COX7B2: variants seen among roughly 807,000 people sequenced by gnomAD.
COX7B2 encodes cytochrome c oxidase subunit 7B2, also known as cytochrome c oxidase subunit 7B2, mitochondrial.
For missense variants in COX7B2, 109 were observed against 95.9 expected (o/e 1.14, Z -0.57); for synonymous variants, 37 against 32.1 (o/e 1.15, Z -0.51).
At chr4:46,812,358 C>A (rs1303187349) in intron 2 of COX7B2, among the ~76,000 whole-genome samples, 1 of 107,612 alleles carries the variant, frequency 9.3e-6, no homozygotes, top group Non-Finnish European at 1.9e-5. Flanking sequence ...CAGCATGGAT[C>A]TGAATAAAAA....
At chr4:46,808,573 T>C (rs1719124124) in intron 2 of COX7B2, among the ~76,000 whole-genome samples, 1 of 151,908 alleles carries the variant, frequency 6.6e-6, no homozygotes, top group South Asian at 2.1e-4. Context: ...TTCAGTACTA[T>C]ATTTAATAGA....
At chr4:46,838,747 C>G (rs563569319) in intron 2 of COX7B2, among the ~76,000 whole-genome samples, 12 of 152,182 alleles carry the variant, frequency 7.9e-5, no homozygotes, top group Non-Finnish European at 1.3e-4. Flanking sequence ...TGGGAAAACT[C>G]TGTGTGTCAC....
intron 2 of COX7B2, among the ~76,000 whole-genome samples, chr4:46,797,092 T>TAAAAAAAA (rs762801656): frequency 3.0e-4 from 19 of 62,558 alleles, no homozygotes; most frequent in Non-Finnish European, 4.2e-4. Context: ...TAGAGTATAA[T>TAAAAAAAA]AAAAAAAAAA....
intron 1 of COX7B2, among the ~76,000 whole-genome samples, chr4:46,884,708 G>A (rs1718968048): frequency 1.3e-5 from 2 of 152,126 alleles, no homozygotes; most frequent in South Asian, 4.1e-4. Flanking sequence ...CTCTGTTTTG[G>A]AAGTGTTTTT....
chr4:46,838,248 G>T (rs1385209666), intron 2 of COX7B2, among the ~76,000 whole-genome samples: 1 of 150,604 alleles, frequency 6.6e-6, no homozygotes, highest in East Asian at 1.9e-4. Context: ...CACTTTAAAA[G>T]AAAAAAAAAT....
intron 1 of COX7B2, among the ~76,000 whole-genome samples, chr4:46,889,474 C>T (rs1719288117): frequency 6.6e-6 from 1 of 152,180 alleles, no homozygotes; most frequent in South Asian, 2.1e-4. Context: ...ATTCTGTTTT[C>T]CGATGCTTCT....
chr4:46,875,015 C>A (rs975099519), intron 1 of COX7B2, among the ~76,000 whole-genome samples: 5 of 152,138 alleles, frequency 3.3e-5, no homozygotes, highest in Non-Finnish European at 5.9e-5. Flanking sequence ...CACACCTCCC[C>A]CTTTGTTTCC....
intron 2 of COX7B2, among the ~76,000 whole-genome samples, chr4:46,743,627 G>A (rs1714842271): frequency 3.3e-5 from 5 of 152,142 alleles, no homozygotes; most frequent in Admixed American, 3.3e-4. Context: ...TGTTATCTAA[G>A]TTTTGAGAAG....
chr4:46,876,187 C>T (rs1380589319), intron 1 of COX7B2, among the ~76,000 whole-genome samples: 1 of 152,094 alleles, frequency 6.6e-6, no homozygotes, highest in East Asian at 1.9e-4. Context: ...ACTGTACTAG[C>T]TGTACAATTA....
intron 2 of COX7B2, among the ~76,000 whole-genome samples, chr4:46,796,006 GTTGTTGGTGTATA>G (rs1718312785): frequency 2.3e-5 from 2 of 85,876 alleles, no homozygotes; most frequent in Non-Finnish European, 4.6e-5. Flanking sequence ...CTGTTTGTCT[GTTGTTGGTGTATA>G]AGAATGCTTG....
chr4:46,836,299 G>T (rs2109742366), intron 2 of COX7B2, among the ~76,000 whole-genome samples: 1 of 151,856 alleles, frequency 6.6e-6, no homozygotes, highest in South Asian at 2.1e-4. Context: ...CTGTACAACT[G>T]TCCAAAAATA....
At chr4:46,883,302 T>C (rs1315127914) in intron 1 of COX7B2, among the ~76,000 whole-genome samples, 1 of 152,104 alleles carries the variant, frequency 6.6e-6, no homozygotes, top group Non-Finnish European at 1.5e-5. Flanking sequence ...ATCTGGTATT[T>C]TGGTAGAAGT....
chr4:46,827,828 C>T (rs967455025), intron 2 of COX7B2, among the ~76,000 whole-genome samples: 16 of 152,164 alleles, frequency 1.1e-4, no homozygotes, highest in Admixed American at 7.8e-4. Flanking sequence ...TGAAGCCAAA[C>T]GCAAAATGTA....
chr4:46,890,555 A>G (rs1395564873), intron 1 of COX7B2, among the ~76,000 whole-genome samples: 1 of 152,216 alleles, frequency 6.6e-6, no homozygotes, highest in Non-Finnish European at 1.5e-5. Flanking sequence ...CAACAAAAAT[A>G]TTAAGAAAAA....
chr4:46,812,448 C>G (rs966503421), intron 2 of COX7B2, among the ~76,000 whole-genome samples: 7 of 152,008 alleles, frequency 4.6e-5, no homozygotes, highest in Non-Finnish European at 7.4e-5. Context: ...CCAGAACAAA[C>G]AGGGCACACT....
intron 2 of COX7B2, among the ~76,000 whole-genome samples, chr4:46,752,998 G>A (rs1715496206): frequency 6.6e-6 from 1 of 152,146 alleles, no homozygotes; most frequent in Non-Finnish European, 1.5e-5. Context: ...AATGGTACCA[G>A]CTCCTCCTTG....
chr4:46,788,141 G>A (rs2109575468), intron 2 of COX7B2, among the ~76,000 whole-genome samples: 1 of 152,222 alleles, frequency 6.6e-6, no homozygotes, highest in South Asian at 2.1e-4. Flanking sequence ...AGTAGTAGTA[G>A]AGTAAAACAA....
At chr4:46,873,305 G>T (rs904622424) in intron 1 of COX7B2, among the ~76,000 whole-genome samples, 2 of 152,166 alleles carry the variant, frequency 1.3e-5, no homozygotes, top group Middle Eastern at 3.2e-3. Context: ...TGTCTTTATA[G>T]TAGAATGATT....
intron 1 of COX7B2, among the ~76,000 whole-genome samples, chr4:46,849,146 A>G (rs1354262452): frequency 6.6e-6 from 1 of 152,102 alleles, no homozygotes; most frequent in African/African-American, 2.4e-5. Flanking sequence ...CTATACACAC[A>G]CAGACACACA....
Sources: allele counts gnomAD v4.1 joint callset (sites outside exome capture counted in the v4.1 genomes callset), GRCh38; gene constraint gnomAD v4.1.1; transcripts MANE v1.5; gene names NCBI Gene and HGNC (gene_info 2026-07-23, HGNC 2026-07-21).